ACTR3C: variants seen among roughly 807,000 people sequenced by gnomAD.
ACTR3C encodes actin related protein 3C.
Under a neutral mutation model 26.3 loss-of-function variants are expected in ACTR3C, and 18 were observed. That is an observed-to-expected ratio of 0.68 (90% CI 0.47 to 1.01). The LOEUF is 1.01. ACTR3C is among the 50% of genes least tolerant of loss of function. The probability of loss-of-function intolerance (pLI) is 0.00; values close to 1 mark genes in which losing one functional copy is unlikely to be tolerated. For missense variants in ACTR3C, 184 were observed against 250.7 expected (o/e 0.73, Z 1.80); for synonymous variants, 55 against 94.5 (o/e 0.58, Z 2.42).
At chr7:150,323,151 C>A (rs1043222702) in intron 1 of ACTR3C, 6 of 211,572 alleles carry the variant, frequency 2.8e-5, no homozygotes, top group Non-Finnish European at 2.9e-5. Context: ...GTTGACCTCA[C>A]GGCCCCTTCG....
At chr7:150,035,148 T>A in the ACTR3C span, among the ~76,000 whole-genome samples, 72 of 115,028 alleles carry the variant, frequency 6.3e-4, 2 homozygotes, top group Middle Eastern at 5.8e-3. Flanking sequence ...GGATCAACGA[T>A]GGGGGTCCTA....
chr7:149,953,759 C>T, the ACTR3C span, among the ~76,000 whole-genome samples: 1 of 150,380 alleles, frequency 6.6e-6, no homozygotes, highest in Non-Finnish European at 1.5e-5. Context: ...CTTGAATAAC[C>T]TGTAATCCTA....
the ACTR3C span, among the ~76,000 whole-genome samples, chr7:150,070,160 C>T: frequency 6.6e-6 from 1 of 152,248 alleles, no homozygotes; most frequent in South Asian, 2.1e-4. Context: ...GCTCGCGAGG[C>T]CTCACCCAGG....
At chr7:150,311,225 A>G (rs10266198) in intron 1 of ACTR3C, among the ~76,000 whole-genome samples, 5,286 of 152,190 alleles carry the variant, frequency 0.035, 304 homozygotes, top group African/African-American at 0.12. Flanking sequence ...TCCTTGACTC[A>G]TCTCAACCTT....
At chr7:150,315,154 TA>T (rs1796740844) in intron 1 of ACTR3C, among the ~76,000 whole-genome samples, 1 of 148,760 alleles carries the variant, frequency 6.7e-6, no homozygotes, top group Admixed American at 6.7e-5. Flanking sequence ...ATTATTATTT[TA>T]AAAATACATA....
At chr7:150,114,423 T>C in the ACTR3C span, among the ~76,000 whole-genome samples, 8 of 152,090 alleles carry the variant, frequency 5.3e-5, no homozygotes, top group South Asian at 4.2e-4. Flanking sequence ...TGTATCCAAT[T>C]TGGGGCCTGA....
chr7:150,209,523 G>A, the ACTR3C span, among the ~76,000 whole-genome samples: 7 of 150,772 alleles, frequency 4.6e-5, no homozygotes, highest in East Asian at 1.9e-4. Flanking sequence ...ATTTTCATAT[G>A]GTGTTAGGAT....
the ACTR3C span, among the ~76,000 whole-genome samples, chr7:149,929,601 G>A: frequency 2.1e-5 from 3 of 143,574 alleles, no homozygotes; most frequent in Non-Finnish European, 4.5e-5. Context: ...GCCCGATCTC[G>A]GCTCACTGCA....
chr7:149,904,691 A>G, the ACTR3C span, among the ~76,000 whole-genome samples: 1 of 149,084 alleles, frequency 6.7e-6, no homozygotes, highest in Non-Finnish European at 1.5e-5. Context: ...TTTTTTCCCA[A>G]TTAATCTATA....
At chr7:149,882,732 C>G in the ACTR3C span, among the ~76,000 whole-genome samples, 1 of 152,224 alleles carries the variant, frequency 6.6e-6, no homozygotes, top group Non-Finnish European at 1.5e-5. Flanking sequence ...TAACCACTGA[C>G]AGGGGAGAAG....
chr7:150,097,763 C>A, the ACTR3C span, among the ~76,000 whole-genome samples: 5 of 151,372 alleles, frequency 3.3e-5, no homozygotes, highest in Non-Finnish European at 7.4e-5. Context: ...CAGACTCAAG[C>A]AGAGCTGGGC....
chr7:150,003,702 G>A, the ACTR3C span, among the ~76,000 whole-genome samples: 2 of 152,198 alleles, frequency 1.3e-5, no homozygotes, highest in African/African-American at 2.4e-5. Flanking sequence ...TTGTGTGTGT[G>A]CTGTATGTGT....
At chr7:150,042,594 A>AC in the ACTR3C span, among the ~76,000 whole-genome samples, 1 of 133,884 alleles carries the variant, frequency 7.5e-6, no homozygotes, top group African/African-American at 2.7e-5. Context: ...GCCTCCCCCC[A>AC]CTGCGATGGG....
At chr7:150,022,017 A>G in the ACTR3C span, among the ~76,000 whole-genome samples, 1 of 151,708 alleles carries the variant, frequency 6.6e-6, no homozygotes, top group East Asian at 1.9e-4. Flanking sequence ...TGGTAGATCT[A>G]CTTTTAGTTC....
chr7:150,142,977 G>T, the ACTR3C span, among the ~76,000 whole-genome samples: 1 of 151,928 alleles, frequency 6.6e-6, no homozygotes, highest in Non-Finnish European at 1.5e-5. Flanking sequence ...TAGGATTACA[G>T]CTCACATCAC....
chr7:150,042,342 G>C, the ACTR3C span, among the ~76,000 whole-genome samples: 3 of 119,918 alleles, frequency 2.5e-5, no homozygotes, highest in Admixed American at 7.4e-5. Context: ...TGCCTCGCGG[G>C]GGGTGCCTCC....
At chr7:150,163,171 G>T in the ACTR3C span, among the ~76,000 whole-genome samples, 1 of 150,586 alleles carries the variant, frequency 6.6e-6, no homozygotes, top group African/African-American at 2.5e-5. Flanking sequence ...AGAAAAAAAA[G>T]TACTAGGGAT....
the ACTR3C span, among the ~76,000 whole-genome samples, chr7:150,163,698 G>A: frequency 6.6e-6 from 1 of 152,058 alleles, no homozygotes; most frequent in Non-Finnish European, 1.5e-5. Flanking sequence ...TGAGAACCAA[G>A]GAGACAGTGG....
chr7:150,314,877 C>T (rs1264918428), intron 1 of ACTR3C, among the ~76,000 whole-genome samples: 4 of 149,736 alleles, frequency 2.7e-5, no homozygotes, highest in East Asian at 1.9e-4. Context: ...ACTTGAACCC[C>T]GGAGGTCGAG....
Sources: gnomAD v4.1 joint callset for allele counts (sites outside exome capture counted in the v4.1 genomes callset) on GRCh38, gnomAD v4.1.1 for gene constraint, MANE v1.5 for transcripts, NCBI Gene and HGNC (gene_info 2026-07-23, HGNC 2026-07-21) for gene names.